The following POP1 variants were observed in gnomAD, a reference collection of about 807,000 sequenced individuals.
POP1 encodes the protein POP1 ribonuclease P/MRP subunit.
Under a neutral mutation model 102.2 loss-of-function variants are expected in POP1, and 75 were observed. The observed-to-expected ratio is 0.73, with a 90% confidence interval of 0.61 to 0.89. The LOEUF (loss-of-function observed/expected upper bound fraction) is 0.89, where lower values mean the gene tolerates loss of function less well. Among genes scored for constraint, POP1 ranks in the 40% least tolerant of loss-of-function variants. The pLI is 0.00. For missense variants in POP1, 1,116 were observed against 1,267.4 expected (o/e 0.88, Z 1.81); for synonymous variants, 436 against 464.1 (o/e 0.94, Z 0.78).
At chr8:98,124,398 C>T (rs1424744855) in intron 2 of POP1, among the ~76,000 whole-genome samples, 1 of 152,032 alleles carries the variant, frequency 6.6e-6, no homozygotes, top group Non-Finnish European at 1.5e-5. Context: ...TCCGTCTCTA[C>T]TAGAAATACA....
At chr8:98,141,102 T>TA (rs1451163713) in intron 11 of POP1, among the ~76,000 whole-genome samples, 1 of 151,998 alleles carries the variant, frequency 6.6e-6, no homozygotes, top group Non-Finnish European at 1.5e-5. Flanking sequence ...GCCTGATACT[T>TA]ATGTTCATTT....
chr8:98,142,315 C>G (rs1816726397), intron 11 of POP1, among the ~76,000 whole-genome samples: 1 of 152,116 alleles, frequency 6.6e-6, no homozygotes, highest in Non-Finnish European at 1.5e-5. Context: ...CCTCGGCCTC[C>G]CAAAGTGCTG....
rs773272183 is a variant in POP1, at chr8:98,157,652, G to A, written c.2456G>A (p.Cys819Tyr). The change falls in exon 16 of 16, where the codon TGT becomes TAT. Residue 819 changes from cysteine to tyrosine, a missense_variant. Transcript: ENST00000401707. The part of the protein sequence containing the change: ...RKLLKQLSAW[C>Y]GPSSEDSRGG... ...TTACTGAAGCAACTGTCAGCCTGGT[G>A]TGGGCCCAGTTCTGAGGATAGTCGG... 1.2e-6 allele frequency: 2 copies of A among 1,614,240 alleles called. No individual in the cohort carries two copies. Among genetic ancestry groups the A allele is most frequent in the South Asian group, 2.2e-5 (2 of 91,088 alleles).
At chr8:98,155,925 GTGTGTGTGTGTGTGT>G (rs1809635692) in intron 14 of POP1, 110 bp from the exon 15 acceptor site, 12 of 694,268 alleles carry the variant, frequency 1.7e-5, no homozygotes, top group Non-Finnish European at 2.9e-5. Flanking sequence ...GTGTGTGTGT[GTGTGTGTGTGTGTGT>G]GTGTGTGTGT....
intron 1 of POP1, among the ~76,000 whole-genome samples, chr8:98,118,878 T>G (rs2130566450): frequency 6.6e-6 from 1 of 151,754 alleles, no homozygotes; most frequent in African/African-American, 2.4e-5. Flanking sequence ...GAATAGTGGA[T>G]AGAGTCAGAC....
chr8:98,141,616 G>T (rs1443581469), intron 11 of POP1, among the ~76,000 whole-genome samples: 1 of 114,150 alleles, frequency 8.8e-6, no homozygotes, highest in Non-Finnish European at 2.0e-5. Flanking sequence ...GAGTGCAATG[G>T]ATGGCGTCAT....
rs945695167 is a variant in POP1, at chr8:98,158,390, T to TA, written c.*125dup. The TA allele has an allele frequency of 9.0e-7, 1 of 1,114,204 alleles. No homozygotes were observed. The allele number at this position is 1,114,204 out of a possible 1,614,324, so 69.0% of individuals were successfully genotyped here. A position where few individuals can be genotyped will look rare whatever the true frequency, so the allele number is the denominator to read the frequency against. On this transcript the variant is annotated 3_prime_UTR_variant, in exon 16 of 16. Coordinates refer to ENST00000401707, the MANE Select transcript of POP1 (RefSeq NM_001145860.2). ...ATGTGAAACTCCCTGGAAACAAGAA[T>TA]AAAAAATTATGTATTATGCAGATGA...
At position 98,140,963 on chromosome 8, in the gene POP1, C is replaced by T. The variant is rs572277659; in HGVS notation, c.1594+75C>T. On this transcript the variant is annotated intron_variant, in intron 11 of 15. Transcript: ENST00000401707. ...AGTCTTATTAGAAGAAGAGTTCTTT[C>T]TCTGACACCTCTCCAGTAACTTCAT... is the stretch of plus-strand genomic sequence containing the variant. 3.2e-5 allele frequency: 49 copies of T among 1,525,454 alleles called. No homozygotes were observed. The South Asian group carries it at 5.1e-4, about 16-fold the overall frequency. 94.5% of individuals were successfully genotyped at this position (1,525,454 alleles called of 1,614,324 possible). A position where few individuals can be genotyped will look rare whatever the true frequency, so the allele number is the denominator to read the frequency against.
Position 98,148,825 on chromosome 8 carries a change from G to A in POP1, c.1721G>A (p.Arg574Gln), listed in dbSNP as rs201155672. The change falls in exon 13 of 16, where the codon CGG (arginine) becomes CAG (glutamine). Residue 574 changes from arginine to glutamine, a missense_variant. Arg to Gln is a conservative substitution (Grantham distance 43). Coordinates refer to ENST00000401707, the MANE Select transcript of POP1 (RefSeq NM_001145860.2). The part of the protein sequence containing the change: ...ENKISDQDLN[R>Q]MRSELLVPGS... ...TTTCTTCCACTTTAGGATTTAAACC[G>A]GATGAGGAGTGAATTGCTGGTGCCT... The A allele has an allele frequency of 3.8e-5, 61 of 1,612,528 alleles. No individual in the cohort carries two copies. The Middle Eastern group carries it at 5.0e-4, about 13-fold the overall frequency.
intron 9 of POP1, 121 bp downstream of exon 9, chr8:98,137,075 CTTA>C (rs1816568857): frequency 1.3e-6 from 1 of 786,632 alleles, no homozygotes; most frequent in East Asian, 2.6e-5. Context: ...TATTTCCCTA[CTTA>C]TTATGCTTAT....
Position 98,157,598 on chromosome 8 carries a change from T to TG in POP1, c.2421-18dup, listed in dbSNP as rs748433650. On this transcript the variant is annotated intron_variant, in intron 15 of 15. Transcript: ENST00000401707. ...CTGGAACAAAATATCCTCAAACGTA[T>TG]GTCTCCAACTTCATGTAGGAGTAGA... 1 of 1,613,544 alleles carries TG rather than the reference T, an allele frequency of 6.2e-7. No individual in the cohort carries two copies. The highest frequency in any genetic ancestry group is 2.2e-5 in the East Asian group (1 of 44,890).
chr8:98,131,041 G>A lies in POP1; in HGVS notation c.735+815G>A, dbSNP rs532677421. On this transcript the variant is annotated intron_variant, in intron 5 of 15. Coordinates refer to ENST00000401707, the MANE Select transcript of POP1 (RefSeq NM_001145860.2). ...CCAAATTTTGAAAGCCATTACTATT[G>A]GTGTCCTTTGATACCCCTTGAGAGT... Among the ~76,000 whole-genome samples the A allele has an allele frequency of 3.3e-5, 5 of 152,278 alleles. No homozygotes were observed. The South Asian group carries it at 1.0e-3, about 32-fold the overall frequency.
chr8:98,140,768 G>A lies in POP1; in HGVS notation c.1475-1G>A. On this transcript the variant is annotated splice_acceptor_variant, in intron 10 of 15. Transcript: ENST00000401707. LOFTEE classifies it high-confidence loss of function. ...TAAACTTCTTTTTGTTGTTGTTAAA[G>A]GAATAACATCACCAGCAGAAATTCC... 6.2e-7 allele frequency: 1 copy of A among 1,613,640 alleles called. No homozygotes were observed. The highest frequency in any genetic ancestry group is 1.1e-5 in the South Asian group (1 of 91,060).
Position 98,158,048 on chromosome 8 carries a change from C to T in POP1, c.2852C>T (p.Pro951Leu). Residue 951 changes from proline to leucine, a missense_variant, in exon 16 of 16, where the codon CCT becomes CTT. Transcript: ENST00000401707. ...CTGACTCTAGGGCTGTGGTCAGGCC[C>T]TCTGCCGCGTGTGACGTTGCACTGC... ...EALTLGLWSG[P>L]LPRVTLHCSR... 6.2e-7 allele frequency: 1 copy of T among 1,610,232 alleles called. No homozygotes were observed. The highest frequency in any genetic ancestry group is 2.2e-5 in the East Asian group (1 of 44,884).
rs17856355 is a variant in POP1, at chr8:98,158,176, C to G, written c.2980C>G (p.Leu994Val). 58,882 of 1,611,048 alleles carry G rather than the reference C, an allele frequency of 0.037. 1,341 individuals carry two copies. Among genetic ancestry groups the G allele is most frequent in the Middle Eastern group, 0.14 (843 of 6,050 alleles). ...FVSLTGLLDMLSSQPAAQRGL... is the reference protein window; with the variant it reads ...FVSLTGLLDMVSSQPAAQRGL... Reference sequence around the variant, plus strand: ...TAGCTTGACAGGCTTGCTGGATATGCTGTCCAGCCAGCCTGCAGCGCAGAG... The same window carrying G: ...TAGCTTGACAGGCTTGCTGGATATGGTGTCCAGCCAGCCTGCAGCGCAGAG... Residue 994 changes from leucine to valine, a missense_variant, in exon 16 of 16, where the codon CTG becomes GTG. Leu to Val is a conservative substitution (Grantham distance 32). Coordinates refer to ENST00000401707, the MANE Select transcript of POP1 (RefSeq NM_001145860.2).
chr8:98,154,284 G>A (rs376241257), intron 14 of POP1, among the ~76,000 whole-genome samples: 36 of 152,302 alleles, frequency 2.4e-4, no homozygotes, highest in Non-Finnish European at 3.7e-4. Context: ...AGTTGGCTGC[G>A]CCCAGGTCAG....
intron 1 of POP1, among the ~76,000 whole-genome samples, chr8:98,120,427 A>T (rs6980529): frequency 0.2 from 30,692 of 152,126 alleles, 3,279 homozygotes; most frequent in Non-Finnish European, 0.21. Context: ...TGAGTTGTGT[A>T]TATGCATTTT....
chr8:98,139,086 A>C (rs1259807506), intron 9 of POP1, among the ~76,000 whole-genome samples: 1 of 152,012 alleles, frequency 6.6e-6, no homozygotes, highest in Non-Finnish European at 1.5e-5. Context: ...CCTGGCCTCA[A>C]GTGACCCGCC....
chr8:98,132,906 CAA>C (rs11308385), intron 5 of POP1, among the ~76,000 whole-genome samples: 9 of 12,270 alleles, frequency 7.3e-4, no homozygotes, highest in South Asian at 6.3e-3. Context: ...TCTGTCTCTG[CAA>C]AAAAAAAAAA....
Sources: allele counts gnomAD v4.1 joint callset (sites outside exome capture counted in the v4.1 genomes callset), GRCh38; gene constraint gnomAD v4.1.1; transcripts MANE v1.5; gene names NCBI Gene and HGNC (gene_info 2026-07-23, HGNC 2026-07-21).